Variants in DOCK3 observed in about 807,000 individuals in gnomAD.
DOCK3 encodes dedicator of cytokinesis 3.
In DOCK3, 60 loss-of-function variants were observed where a neutral mutation model predicts 265.6. That is an observed-to-expected ratio of 0.23 (90% CI 0.18 to 0.28). The LOEUF (loss-of-function observed/expected upper bound fraction) is 0.28. Among genes scored for constraint, DOCK3 ranks in the 10% least tolerant of loss-of-function variants. The probability of loss-of-function intolerance (pLI) is 1.00; values close to 1 mark genes in which losing one functional copy is unlikely to be tolerated. For missense variants in DOCK3, 1,981 were observed against 2,594.3 expected (o/e 0.76, Z 5.14); for synonymous variants, 881 against 938.0 (o/e 0.94, Z 1.11).
At chr3:50,846,587 CTCT>C (rs1370877266) in intron 3 of DOCK3, among the ~76,000 whole-genome samples, 1 of 152,122 alleles carries the variant, frequency 6.6e-6, no homozygotes, top group Non-Finnish European at 1.5e-5. Flanking sequence ...TTGGTGGCAG[CTCT>C]TCTTTGTACA....
Position 51,383,124 on chromosome 3 carries a change from C to T in DOCK3, c.*1565C>T, listed in dbSNP as rs952465736. On this transcript the variant is annotated 3_prime_UTR_variant, in exon 53 of 53. Transcript: ENST00000266037. ...CCCTTGTCCCTTCTCCACTGCCCCT[C>T]TTTCCAGACAGTAAAGGCCATGGTC... 1.2e-4 allele frequency: 18 copies of T among 152,308 alleles called. No homozygotes were observed. The highest frequency in any genetic ancestry group is 4.3e-4 in the African/African-American group (18 of 41,456). The allele number at this position is 152,308 out of a possible 1,614,324, so 9.4% of individuals were successfully genotyped here. A position where few individuals can be genotyped will look rare whatever the true frequency, so the allele number is the denominator to read the frequency against.
chr3:51,276,371 G>A (rs1261670022), intron 25 of DOCK3: 9 of 985,242 alleles, frequency 9.1e-6, no homozygotes, highest in Non-Finnish European at 1.1e-5. Context: ...TTGAGGGGGT[G>A]GACAGCTTAT....
intron 2 of DOCK3, among the ~76,000 whole-genome samples, chr3:50,815,305 A>G (rs2044011275): frequency 6.6e-6 from 1 of 152,132 alleles, no homozygotes; most frequent in Non-Finnish European, 1.5e-5. Context: ...TATTATGATT[A>G]TATCTTGCAT....
intron 2 of DOCK3, among the ~76,000 whole-genome samples, chr3:50,782,289 AT>A (rs71084112): frequency 2.7e-5 from 3 of 110,022 alleles, no homozygotes; most frequent in African/African-American, 1.1e-4. Flanking sequence ...AGTACCTGTT[AT>A]TTTTTTTTTT....
intron 9 of DOCK3, among the ~76,000 whole-genome samples, chr3:51,100,447 G>A (rs2109714351): frequency 6.6e-6 from 1 of 152,288 alleles, no homozygotes; most frequent in South Asian, 2.1e-4. Flanking sequence ...ACCAGAGGGA[G>A]TTCTGGAGAG....
At chr3:51,288,255 G>A (rs1332509736) in intron 27 of DOCK3, among the ~76,000 whole-genome samples, 1 of 152,124 alleles carries the variant, frequency 6.6e-6, no homozygotes, top group Non-Finnish European at 1.5e-5. Flanking sequence ...AGTCGGGCAT[G>A]GCGGCACATG....
chr3:51,079,245 C>G (rs905863471), intron 7 of DOCK3, among the ~76,000 whole-genome samples: 10 of 152,000 alleles, frequency 6.6e-5, no homozygotes, highest in African/African-American at 2.4e-4. Context: ...AAAAATGAAG[C>G]CTCCATGCAA....
rs552722944 is a variant in DOCK3, at chr3:50,705,640, C to T, written c.37+30340C>T. 1.1e-3 allele frequency among the ~76,000 whole-genome samples: 162 copies of T among 152,198 alleles called. 1 individual carries two copies. Among genetic ancestry groups the T allele is most frequent in the Middle Eastern group, 3.4e-3 (1 of 294 alleles). On this transcript the variant is annotated intron_variant, in intron 1 of 52. Transcript: ENST00000266037. Reference sequence around the variant, plus strand: ...CCATGCTGGCCAGGCTGGTGTTGATCTCCTGACCTCTTGATCTGCCTACCT... The same window carrying T: ...CCATGCTGGCCAGGCTGGTGTTGATTTCCTGACCTCTTGATCTGCCTACCT...
At chr3:50,882,995 C>G (rs1559764856) in intron 3 of DOCK3, among the ~76,000 whole-genome samples, 1 of 152,110 alleles carries the variant, frequency 6.6e-6, no homozygotes, top group African/African-American at 2.4e-5. Context: ...GAAACCATCA[C>G]TCTGAGCAAA....
intron 5 of DOCK3, among the ~76,000 whole-genome samples, chr3:50,965,972 C>T (rs1052104487): frequency 6.6e-6 from 1 of 151,776 alleles, no homozygotes; most frequent in Non-Finnish European, 1.5e-5. Flanking sequence ...CTTTGATCAA[C>T]ATTTCCCCAC....
chr3:50,950,848 A>G (rs2076570682), intron 5 of DOCK3, among the ~76,000 whole-genome samples: 1 of 151,972 alleles, frequency 6.6e-6, no homozygotes, highest in Non-Finnish European at 1.5e-5. Context: ...TTTCTACTCA[A>G]CCCGATAGTA....
At chr3:51,093,831 A>G (rs980492815) in intron 9 of DOCK3, among the ~76,000 whole-genome samples, 1 of 152,206 alleles carries the variant, frequency 6.6e-6, no homozygotes, top group Non-Finnish European at 1.5e-5. Context: ...TACTATTTTG[A>G]GATATGTTAC....
At chr3:51,251,935 C>T (rs2079268553) in intron 22 of DOCK3, among the ~76,000 whole-genome samples, 1 of 152,104 alleles carries the variant, frequency 6.6e-6, no homozygotes, top group Non-Finnish European at 1.5e-5. Context: ...AAGTGCTTGC[C>T]CATGTCTATG....
chr3:51,351,796 A>G (rs1045886749), intron 40 of DOCK3, among the ~76,000 whole-genome samples: 1 of 151,812 alleles, frequency 6.6e-6, no homozygotes, highest in African/African-American at 2.4e-5. Context: ...GGCTGGGATT[A>G]CAGGCATGCG....
intron 5 of DOCK3, among the ~76,000 whole-genome samples, chr3:50,984,469 C>G (rs529837248): frequency 6.6e-6 from 1 of 152,294 alleles, no homozygotes; most frequent in South Asian, 2.1e-4. Context: ...ATTTCTCTCT[C>G]ATTTTTGAAG....
At chr3:50,891,110 G>A (rs2048619873) in intron 4 of DOCK3, among the ~76,000 whole-genome samples, 1 of 151,970 alleles carries the variant, frequency 6.6e-6, no homozygotes, top group Non-Finnish European at 1.5e-5. Context: ...CTGGAGGCTG[G>A]AACCTATTTT....
intron 1 of DOCK3, among the ~76,000 whole-genome samples, chr3:50,715,795 G>C (rs2037069348): frequency 6.6e-6 from 1 of 152,134 alleles, no homozygotes; most frequent in African/African-American, 2.4e-5. Flanking sequence ...GATCATGGAG[G>C]GCCTTAAAGG....
At chr3:50,943,396 A>G (rs1192187511) in intron 5 of DOCK3, among the ~76,000 whole-genome samples, 2 of 152,136 alleles carry the variant, frequency 1.3e-5, no homozygotes, top group Non-Finnish European at 2.9e-5. Flanking sequence ...ACATGTGAAG[A>G]GCCATTAAAA....
rs144246364 is a variant in DOCK3 at position 50,796,945 on chromosome 3, T to C, written c.121+18187T>C. Among the ~76,000 whole-genome samples, 646 of 152,184 alleles carry C rather than the reference T, an allele frequency of 4.2e-3. 1 individual carries two copies. Among genetic ancestry groups the C allele is most frequent in the Non-Finnish European group, 6.6e-3 (446 of 68,002 alleles). On this transcript the variant is annotated intron_variant, in intron 2 of 52. Coordinates refer to ENST00000266037, the MANE Select transcript of DOCK3 (RefSeq NM_004947.5). ...TATCCTGACTTTGCTCTCTGACTCCTTGAGGTTAGGAATCCACTGTGCTGG... is the reference window on the plus strand; with the variant it reads ...TATCCTGACTTTGCTCTCTGACTCCCTGAGGTTAGGAATCCACTGTGCTGG...
Sources: allele counts gnomAD v4.1 joint callset (sites outside exome capture counted in the v4.1 genomes callset), GRCh38; gene constraint gnomAD v4.1.1; transcripts MANE v1.5; gene names NCBI Gene and HGNC (gene_info 2026-07-23, HGNC 2026-07-21).